Variants in DST observed in about 807,000 individuals in gnomAD.
DST encodes the protein dystonin.
A neutral mutation model predicts 875.2 loss-of-function variants in DST; 253 were observed. The observed-to-expected ratio is 0.29, with a 90% CI of 0.26 to 0.32. The LOEUF is 0.32. DST is among the 10% of genes least tolerant of loss of function. The pLI, the probability that DST is intolerant of heterozygous loss-of-function variation, is 1.00. For missense variants in DST, 8,287 were observed against 9,111.6 expected (o/e 0.91, Z 3.68); for synonymous variants, 3,124 against 3,197.1 (o/e 0.98, Z 0.77).
chr6:56,640,599 T>C lies in DST; in HGVS notation c.2034A>G (p.Ala678=). ...AGGCCATAATTTCGTCACGCAGTTTTGCAACCCTGAAAAGAAAATCCAAAG... is the reference window on the plus strand; with the variant it reads ...AGGCCATAATTTCGTCACGCAGTTTCGCAACCCTGAAAAGAAAATCCAAAG... ...YQADQLVQRV[A]KLRDEIMALR... The change falls in exon 18 of 104, where the codon GCA becomes GCG. Residue 678 remains alanine (A), a synonymous_variant. Transcript: ENST00000680361. 1 of 1,613,980 alleles carries C rather than the reference T, an allele frequency of 6.2e-7. No homozygotes were observed. The highest frequency in any genetic ancestry group is 1.1e-5 in the South Asian group (1 of 91,088).
chr6:56,916,652 CT>C (rs1298050594), intron 2 of DST, among the ~76,000 whole-genome samples: 3 of 151,596 alleles, frequency 2.0e-5, no homozygotes, highest in African/African-American at 7.3e-5. Context: ...ATCTGGGAGG[CT>C]GAGGTGGGGG....
At chr6:56,479,772 A>G (rs2095339135) in intron 90 of DST, among the ~76,000 whole-genome samples, 1 of 152,204 alleles carries the variant, frequency 6.6e-6, no homozygotes, top group South Asian at 2.1e-4. Context: ...TGAAGACTCC[A>G]AAAAGCACGG....
At chr6:56,646,310 G>T in intron 13 of DST, 128 bp from the exon 14 acceptor site, 1 of 511,078 alleles carries the variant, frequency 2.0e-6, no homozygotes, top group Non-Finnish European at 3.3e-6. Context: ...TTGTTAAACC[G>T]ACACTCAAAG....
chr6:56,625,338 C>T, intron 34 of DST, 74 bp from the exon 35 acceptor site: 4 of 944,658 alleles, frequency 4.2e-6, no homozygotes, highest in Non-Finnish European at 5.2e-6. Context: ...TAATTTAACA[C>T]AGATAATTAG....
intron 5 of DST, among the ~76,000 whole-genome samples, chr6:56,710,405 T>C (rs1408183175): frequency 6.6e-6 from 1 of 152,210 alleles, no homozygotes; most frequent in African/African-American, 2.4e-5. Flanking sequence ...AAAGAAGGCT[T>C]GTCCCAAATG....
At chr6:56,927,798 CA>C (rs1366578924) in intron 2 of DST, among the ~76,000 whole-genome samples, 1 of 152,120 alleles carries the variant, frequency 6.6e-6, no homozygotes, top group Non-Finnish European at 1.5e-5. Flanking sequence ...GATATTTCAA[CA>C]GGAGGGATTT....
In DST at chr6:56,695,085, C is replaced by G. The variant is rs532238103; in HGVS notation, c.1047+4568G>C. Reference sequence around the variant, plus strand: ...GAGGTTGCAGTGAGCCAAGATTGCACCGCTGCACTCCAGTCTGGGCGACAG... The same window carrying G: ...GAGGTTGCAGTGAGCCAAGATTGCAGCGCTGCACTCCAGTCTGGGCGACAG... On this transcript the variant is annotated intron_variant, in intron 9 of 103. Transcript: ENST00000680361. Among the ~76,000 whole-genome samples, 19 of 149,276 alleles carry G rather than the reference C, an allele frequency of 1.3e-4. No homozygotes were observed. In the East Asian group the frequency reaches 3.7e-3, roughly 29 times the overall value.
rs1203761948 is a variant in DST, at chr6:56,486,993, C to G, written c.21047+111G>C. The G allele has an allele frequency of 1.2e-5, 12 of 1,006,516 alleles. No individual in the cohort carries two copies. In the East Asian group the frequency reaches 3.0e-4, roughly 25 times the overall value. The allele number at this position is 1,006,516 out of a possible 1,614,324, so 62.3% of individuals were successfully genotyped here. On this transcript the variant is annotated intron_variant, in intron 87 of 103. Transcript: ENST00000680361. ...GGGATACTTAGGACAAGCAGAAGTT[C>G]CTCAGGCAAAGGAAATATTTAAGGT...
chr6:56,880,837 C>CTTTTTTTTTTTTTTTTTTTTTTTTTT (rs765843469), intron 3 of DST, among the ~76,000 whole-genome samples: 1 of 58,064 alleles, frequency 1.7e-5, no homozygotes, highest in Non-Finnish European at 2.8e-5. Flanking sequence ...TACTGTCTTT[C>CTTTTTTTTTTTTTTTTTTTTTTTTTT]TTTTTTTTTT....
intron 5 of DST, among the ~76,000 whole-genome samples, chr6:56,733,121 G>A (rs186705344): frequency 6.6e-6 from 1 of 152,206 alleles, no homozygotes; most frequent in African/African-American, 2.4e-5. Context: ...AAGGACTCCA[G>A]GCCCCCAAAT....
intron 100 of DST, 99 bp from the exon 101 acceptor site, chr6:56,463,863 A>C: frequency 6.5e-6 from 8 of 1,231,306 alleles, no homozygotes; most frequent in South Asian, 3.6e-5. Flanking sequence ...ACCAGAGATC[A>C]CGTTGAGAAT....
chr6:56,508,397 T>C (rs2152471465), intron 75 of DST, 132 bp downstream of exon 75: 2 of 726,002 alleles, frequency 2.8e-6, no homozygotes, highest in South Asian at 3.6e-5. Flanking sequence ...TCTCCTACTG[T>C]ATCACTGCAC....
At chr6:56,624,382 T>C (rs753883412) in intron 36 of DST, 148 bp downstream of exon 36, 9 of 705,800 alleles carry the variant, frequency 1.3e-5, no homozygotes, top group Non-Finnish European at 2.1e-5. Context: ...ATTTTCATTG[T>C]AATTTTATAA....
chr6:56,625,543 G>A (rs886880900), intron 34 of DST, among the ~76,000 whole-genome samples: 4 of 151,986 alleles, frequency 2.6e-5, no homozygotes, highest in African/African-American at 7.2e-5. Flanking sequence ...TAGTGATGTC[G>A]TGGCACAATG....
At chr6:56,939,746 C>T (rs1046487006) in intron 2 of DST, among the ~76,000 whole-genome samples, 5 of 151,926 alleles carry the variant, frequency 3.3e-5, no homozygotes, top group East Asian at 3.9e-4. Flanking sequence ...AATAAGCAGC[C>T]GGGCGTGGTG....
rs1045930248 is a variant in DST, at chr6:56,458,087, TATAG to T, written c.*914_*917del. On this transcript the variant is annotated 3_prime_UTR_variant, in exon 104 of 104. Transcript: ENST00000680361. ...AATTAAAATGTATATATTTATTAAA[TATAG>T]ATAGATATAATACCAGAACATGATT... 4 of 152,430 alleles carry T rather than the reference TATAG, an allele frequency of 2.6e-5. No homozygotes were observed. Among genetic ancestry groups the T allele is most frequent in the Non-Finnish European group, 4.4e-5 (3 of 68,010 alleles). 9.4% of individuals were successfully genotyped at this position (152,430 alleles called of 1,614,324 possible).
At chr6:56,544,160 C>T (rs2097184584) in intron 61 of DST, among the ~76,000 whole-genome samples, 1 of 152,190 alleles carries the variant, frequency 6.6e-6, no homozygotes, top group South Asian at 2.1e-4. Flanking sequence ...ATACTTACCA[C>T]GCTTGAACAG....
chr6:56,689,474 C>G (rs13192037), intron 9 of DST, among the ~76,000 whole-genome samples: 2 of 151,974 alleles, frequency 1.3e-5, no homozygotes, highest in South Asian at 4.2e-4. Flanking sequence ...TAAAAACACA[C>G]GAGCAGGTGC....
chr6:56,704,333 T>C lies in DST; in HGVS notation c.724A>G (p.Arg242Gly), dbSNP rs1481470693. 6.3e-6 allele frequency: 10 copies of C among 1,578,776 alleles called. No individual in the cohort carries two copies. Among genetic ancestry groups the C allele is most frequent in the Non-Finnish European group, 8.6e-6 (10 of 1,161,078 alleles). Residue 242 changes from arginine (R) to glycine (G), a missense_variant, in exon 6 of 104, where the codon AGG (arginine) becomes GGG (glycine). Transcript: ENST00000680361. ...KHVNDLYEDL[R>G]DGHNLISLLE... ...AGAGAAATCAAATTGTGTCCATCCCTTAAGTCTTCATAGAGATCATTCACA... is the reference window on the plus strand; with the variant it reads ...AGAGAAATCAAATTGTGTCCATCCCCTAAGTCTTCATAGAGATCATTCACA...
Sources: allele counts gnomAD v4.1 joint callset (sites outside exome capture counted in the v4.1 genomes callset), GRCh38; gene constraint gnomAD v4.1.1; transcripts MANE v1.5; gene names NCBI Gene and HGNC (gene_info 2026-07-23, HGNC 2026-07-21).